Variants in MTHFD1L observed in about 807,000 individuals in gnomAD.
MTHFD1L encodes monofunctional C1-tetrahydrofolate synthase, mitochondrial.
Under a neutral mutation model 119.5 loss-of-function variants are expected in MTHFD1L, and 81 were observed. The observed-to-expected ratio is 0.68, with a 90% confidence interval of 0.57 to 0.82. The LOEUF (loss-of-function observed/expected upper bound fraction) is 0.82, where lower values mean the gene tolerates loss of function less well. Ranked by LOEUF, MTHFD1L falls within the 40% of genes least tolerant of loss-of-function variation. MTHFD1L has a pLI of 0.00. For synonymous variants in MTHFD1L, 430 were observed against 475.2 expected (o/e 0.90, Z 1.24); for missense variants, 1,125 against 1,253.4 (o/e 0.90, Z 1.55).
chr6:150,888,109 T>A, intron 7 of MTHFD1L, 128 bp downstream of exon 7: 1 of 1,023,348 alleles, frequency 9.8e-7, no homozygotes, highest in Non-Finnish European at 1.3e-6. Flanking sequence ...CCATATCCAT[T>A]AAAGACATTG....
intron 21 of MTHFD1L, among the ~76,000 whole-genome samples, chr6:151,013,421 A>C (rs1270211936): frequency 1.3e-5 from 2 of 152,208 alleles, no homozygotes; most frequent in Non-Finnish European, 2.9e-5. Context: ...TGTATAAATC[A>C]AGTATTAAAC....
intron 20 of MTHFD1L, among the ~76,000 whole-genome samples, chr6:150,982,391 C>T (rs1020557308): frequency 8.5e-5 from 13 of 152,126 alleles, no homozygotes; most frequent in Admixed American, 2.0e-4. Flanking sequence ...ATTTTGCCTG[C>T]AGTTTAGCCT....
At chr6:150,946,016 A>T (rs561927035) in intron 15 of MTHFD1L, among the ~76,000 whole-genome samples, 13 of 152,218 alleles carry the variant, frequency 8.5e-5, no homozygotes, top group Non-Finnish European at 1.8e-4. Context: ...TCTTAAAAAA[A>T]AATAACAAAT....
intron 7 of MTHFD1L, among the ~76,000 whole-genome samples, chr6:150,896,715 C>G (rs867892118): frequency 6.6e-6 from 1 of 151,788 alleles, no homozygotes; most frequent in South Asian, 2.1e-4. Flanking sequence ...TTTAGAGAGC[C>G]AAAAAAACTT....
intron 26 of MTHFD1L, among the ~76,000 whole-genome samples, chr6:151,067,510 G>T (rs542675468): frequency 1.3e-5 from 2 of 151,424 alleles, no homozygotes; most frequent in South Asian, 4.2e-4. Context: ...TTTTAGTAGA[G>T]ACCAGGCTTC....
At chr6:151,052,483 T>C (rs773665200) in intron 26 of MTHFD1L, among the ~76,000 whole-genome samples, 11 of 152,090 alleles carry the variant, frequency 7.2e-5, no homozygotes, top group African/African-American at 1.4e-4. Flanking sequence ...AGAAGGATGG[T>C]TGCTTCTCTA....
intron 25 of MTHFD1L, 143 bp from the exon 26 acceptor site, chr6:151,036,822 A>C (rs916522961): frequency 1.3e-6 from 1 of 770,206 alleles, no homozygotes; most frequent in Non-Finnish European, 2.2e-6. Flanking sequence ...TTCTTCAGTG[A>C]ACAAGTAGTA....
At chr6:150,993,121 T>C (rs1190157859) in intron 20 of MTHFD1L, among the ~76,000 whole-genome samples, 1 of 152,270 alleles carries the variant, frequency 6.6e-6, no homozygotes, top group Non-Finnish European at 1.5e-5. Flanking sequence ...TTGTTTGTTT[T>C]ATGAAATTGC....
intron 1 of MTHFD1L, among the ~76,000 whole-genome samples, chr6:150,875,749 T>C (rs1193260590): frequency 6.6e-6 from 1 of 152,114 alleles, no homozygotes; most frequent in Non-Finnish European, 1.5e-5. Context: ...CAGCGGAGTA[T>C]GGTGGAGGAG....
chr6:151,034,765 T>C (rs1222745397), intron 25 of MTHFD1L, among the ~76,000 whole-genome samples, 165 bp downstream of exon 25: 1 of 152,212 alleles, frequency 6.6e-6, no homozygotes, highest in Non-Finnish European at 1.5e-5. Flanking sequence ...GTAGACTATA[T>C]TTAGAACTTT....
Position 151,079,137 on chromosome 6 carries a change from G to A in MTHFD1L, c.2848-13330G>A, listed in dbSNP as rs945054682. Among the ~76,000 whole-genome samples, 27 of 152,126 alleles carry A rather than the reference G, an allele frequency of 1.8e-4. 2 individuals are homozygous for A. The highest frequency in any genetic ancestry group is 6.3e-4 in the African/African-American group (26 of 41,400). On this transcript the variant is annotated intron_variant, in intron 26 of 27. Coordinates refer to ENST00000367321, the MANE Select transcript of MTHFD1L (RefSeq NM_015440.5). The stretch of plus-strand genomic sequence containing the variant: ...AAACAAGCTGCAGAAGAACAGGAGT[G>A]TAATCAATAAATCAGATGGCCTTGC...
At chr6:150,925,425 G>T (rs1042063704) in intron 10 of MTHFD1L, among the ~76,000 whole-genome samples, 2 of 152,168 alleles carry the variant, frequency 1.3e-5, no homozygotes, top group Non-Finnish European at 2.9e-5. Context: ...ACTCCTGTAA[G>T]ACGAGCAGTG....
intron 26 of MTHFD1L, among the ~76,000 whole-genome samples, chr6:151,059,467 G>A (rs899164398): frequency 2.0e-5 from 3 of 152,110 alleles, no homozygotes; most frequent in Admixed American, 6.6e-5. Flanking sequence ...ACGAGCCACC[G>A]CACCTGGCCA....
intron 15 of MTHFD1L, among the ~76,000 whole-genome samples, chr6:150,946,809 C>T (rs747240846): frequency 2.0e-5 from 3 of 151,988 alleles, no homozygotes; most frequent in Non-Finnish European, 4.4e-5. Context: ...GGCACAGTGG[C>T]TCACGCCTGT....
intron 20 of MTHFD1L, among the ~76,000 whole-genome samples, chr6:151,000,785 T>C (rs1368063426): frequency 6.6e-6 from 1 of 152,210 alleles, no homozygotes; most frequent in East Asian, 1.9e-4. Flanking sequence ...AACATGTTTA[T>C]ATAGGGCAGA....
intron 20 of MTHFD1L, among the ~76,000 whole-genome samples, chr6:150,989,669 G>A (rs909794533): frequency 2.2e-4 from 33 of 152,212 alleles, no homozygotes; most frequent in Admixed American, 2.6e-4. Flanking sequence ...CCAAAGGATA[G>A]AATACTTAGG....
rs1257009983 is a variant in MTHFD1L at position 150,960,388 on chromosome 6, CG to C, written c.1920del (p.Gln641SerfsTer3). On this transcript the variant is annotated frameshift_variant, in exon 18 of 28. Transcript: ENST00000367321. LOFTEE classifies it high-confidence loss of function. ...GRMVVASDKS[G>X]QPVTADDLGV... is the part of the protein sequence containing the mutation. ...GGATGGTGGTGGCCAGTGACAAAAG[CG>C]GGCAGCCTGTGACAGCAGATGATTT... 1 of 1,612,276 alleles carries C rather than the reference CG, an allele frequency of 6.2e-7. No individual in the cohort carries two copies. Among genetic ancestry groups the C allele is most frequent in the African/African-American group, 1.3e-5 (1 of 74,890 alleles).
At chr6:150,914,160 T>G (rs1051168406) in intron 8 of MTHFD1L, among the ~76,000 whole-genome samples, 2 of 150,302 alleles carry the variant, frequency 1.3e-5, no homozygotes, top group African/African-American at 4.9e-5. Context: ...AGCCAGGCAT[T>G]GTGGCATGCG....
chr6:151,088,647 T>C lies in MTHFD1L; in HGVS notation c.2848-3820T>C, dbSNP rs374991041. Among the ~76,000 whole-genome samples, 290 of 149,480 alleles carry C rather than the reference T, an allele frequency of 1.9e-3. 1 individual carries two copies. The highest frequency in any genetic ancestry group is 0.01 in the Middle Eastern group (3 of 286). ...AATTTTTTTTTTTTTTTTTTTGTAT[T>C]TGTAGAAGAGACAGAGTTTCGCCAT... On this transcript the variant is annotated intron_variant, in intron 26 of 27. Coordinates refer to ENST00000367321, the MANE Select transcript of MTHFD1L (RefSeq NM_015440.5).
Sources: gnomAD v4.1 joint callset for allele counts (sites outside exome capture counted in the v4.1 genomes callset) on GRCh38, gnomAD v4.1.1 for gene constraint, MANE v1.5 for transcripts, NCBI Gene and HGNC (gene_info 2026-07-23, HGNC 2026-07-21) for gene names.